The following UCP1 variants were observed in gnomAD, a reference collection of about 807,000 sequenced individuals.
The protein encoded by UCP1 is mitochondrial brown fat uncoupling protein 1.
In UCP1, 24 loss-of-function variants were observed where a neutral mutation model predicts 26.2. The observed-to-expected ratio is 0.92, with a 90% CI of 0.66 to 1.29. UCP1 has a LOEUF of 1.29. Ranked by LOEUF, UCP1 falls within the 50% of genes most tolerant of loss-of-function variation. The pLI, the probability that UCP1 is intolerant of heterozygous loss-of-function variation, is 0.00. For missense variants in UCP1, 402 were observed against 388.7 expected, an observed-to-expected ratio of 1.03 and a Z score of -0.29; for synonymous variants, 164 against 156.8, an observed-to-expected ratio of 1.05 and a Z score of -0.34.
chr4:140,562,256 T>G lies in UCP1; in HGVS notation c.746A>C (p.Lys249Thr), dbSNP rs1735692635. The G allele has an allele frequency of 1.9e-6, 3 of 1,614,136 alleles. No individual in the cohort carries two copies. In the East Asian group the frequency reaches 6.7e-5, roughly 36 times the overall value. The change falls in exon 5 of 6, where the codon AAA (lysine) becomes ACA (threonine). Residue 249 changes from lysine (K) to threonine (T), a missense_variant. Physicochemically the swap from Lys to Thr is moderately conservative, Grantham distance 78. Transcript: ENST00000262999. ...TTTCATTGCACAGTTGGGCACACTTTTGTACTGTCCTGGTGGAGAATTAAT... is the reference window on the plus strand; with the variant it reads ...TTTCATTGCACAGTTGGGCACACTTGTGTACTGTCCTGGTGGAGAATTAAT... ...RFINSPPGQY[K>T]SVPNCAMKVF...
intron 5 of UCP1, among the ~76,000 whole-genome samples, chr4:140,561,630 C>T (rs771091294): frequency 4.6e-5 from 7 of 152,314 alleles, no homozygotes; most frequent in South Asian, 4.1e-4. Context: ...CGAGCCACCA[C>T]GCCGAGCCCA....
Position 140,559,702 on chromosome 4 carries a change from T to G in UCP1, c.*194A>C. 2 of 590,938 alleles carry G rather than the reference T, an allele frequency of 3.4e-6. No individual in the cohort carries two copies. Among genetic ancestry groups the G allele is most frequent in the Non-Finnish European group, 2.9e-6 (1 of 339,034 alleles). The allele number at this position is 590,938 out of a possible 1,614,324, so 36.6% of individuals were successfully genotyped here. Reference sequence around the variant, plus strand: ...GCTGAATGTTTTGCTTTCCCCTTCTTAAGACACTGAGAAAAAAAAAAAGTT... The same window carrying G: ...GCTGAATGTTTTGCTTTCCCCTTCTGAAGACACTGAGAAAAAAAAAAAGTT... On this transcript the variant is annotated 3_prime_UTR_variant, in exon 6 of 6. Transcript: ENST00000262999.
intron 5 of UCP1, 72 bp from the exon 6 acceptor site, chr4:140,560,082 T>G: frequency 2.4e-6 from 3 of 1,252,224 alleles, no homozygotes; most frequent in Non-Finnish European, 3.4e-6. Context: ...AGATGAGGCT[T>G]CACCCTGCCG....
At chr4:140,560,146 G>A (rs1210954734) in intron 5 of UCP1, 136 bp from the exon 6 acceptor site, 3 of 719,168 alleles carry the variant, frequency 4.2e-6, no homozygotes, top group South Asian at 1.6e-5. Context: ...TCGAGCTCCT[G>A]GGCTTAAGTG....
At position 140,559,960 on chromosome 4, in the gene UCP1, A is replaced by G; in HGVS notation, c.860T>C (p.Val287Ala). 1 of 1,614,118 alleles carries G rather than the reference A, an allele frequency of 6.2e-7. No individual in the cohort carries two copies. The highest frequency in any genetic ancestry group is 8.5e-7 in the Non-Finnish European group (1 of 1,180,010). The change falls in exon 6 of 6, where the codon GTG becomes GCG. Residue 287 changes from valine (V) to alanine (A), a missense_variant. Coordinates refer to ENST00000262999, the MANE Select transcript of UCP1 (RefSeq NM_021833.5). ...TTCTCGTTTCAGTTGTTCAAAGCACACAAACATAATGACGTTCCAGGATCC... is the reference window on the plus strand; with the variant it reads ...TTCTCGTTTCAGTTGTTCAAAGCACGCAAACATAATGACGTTCCAGGATCC... ...RLGSWNVIMF[V>A]CFEQLKRELS...
At chr4:140,564,929 C>G (rs1335349731) in intron 2 of UCP1, among the ~76,000 whole-genome samples, 1 of 152,116 alleles carries the variant, frequency 6.6e-6, no homozygotes, top group South Asian at 2.1e-4. Flanking sequence ...CCATTTCTTC[C>G]TCAGTCCCCT....
rs1735832625 is a variant in UCP1, at chr4:140,567,822, G to A, written c.282C>T (p.Gly94=). ...RQISSASLRI[G]LYDTVQEFLT... is the part of the protein sequence containing the mutation. Reference sequence around the variant, plus strand: ...GGAACTCCTGGACCGTGTCGTAGAGGCCGATCCTGAGAGAGGCGGAGCTGA... The same window carrying A: ...GGAACTCCTGGACCGTGTCGTAGAGACCGATCCTGAGAGAGGCGGAGCTGA... Residue 94 remains glycine, a synonymous_variant, in exon 2 of 6, where the codon GGC becomes GGT. Transcript: ENST00000262999. 3 of 1,614,010 alleles carry A rather than the reference G, an allele frequency of 1.9e-6. No homozygotes were observed. The highest frequency in any genetic ancestry group is 1.7e-6 in the Non-Finnish European group (2 of 1,180,020).
At chr4:140,560,685 AT>A (rs994999786) in intron 5 of UCP1, among the ~76,000 whole-genome samples, 1 of 151,260 alleles carries the variant, frequency 6.6e-6, no homozygotes, top group African/African-American at 2.4e-5. Context: ...CTCTGCCCCA[AT>A]TTTTTTCCTT....
chr4:140,559,867 G>A lies in UCP1; in HGVS notation c.*29C>T, dbSNP rs768048578. Reference sequence around the variant, plus strand: ...TGATCCAGTCAGCAAGATTCCCACTGGTATGTTACATCATTTTCTTGAAGC... The same window carrying A: ...TGATCCAGTCAGCAAGATTCCCACTAGTATGTTACATCATTTTCTTGAAGC... On this transcript the variant is annotated 3_prime_UTR_variant, in exon 6 of 6. Transcript: ENST00000262999. The A allele has an allele frequency of 6.5e-6, 10 of 1,532,122 alleles. No homozygotes were observed. The South Asian group carries it at 1.1e-4, about 17-fold the overall frequency. 94.9% of individuals were successfully genotyped at this position (1,532,122 alleles called of 1,614,324 possible). A position where few individuals can be genotyped will look rare whatever the true frequency, so the allele number is the denominator to read the frequency against.
intron 5 of UCP1, among the ~76,000 whole-genome samples, chr4:140,560,554 A>G (rs1735654212): frequency 6.6e-6 from 1 of 152,172 alleles, no homozygotes; most frequent in South Asian, 2.1e-4. Context: ...GAAGAAGAGA[A>G]ACCAAAGAAG....
At chr4:140,566,116 C>G (rs1735789105) in intron 2 of UCP1, among the ~76,000 whole-genome samples, 1 of 152,138 alleles carries the variant, frequency 6.6e-6, no homozygotes, top group Admixed American at 6.5e-5. Context: ...TGTAAGTGCT[C>G]TCTGTGATGT....
At position 140,567,877 on chromosome 4, in the gene UCP1, C is replaced by A; in HGVS notation, c.227G>T (p.Ser76Ile). ...VKTEGRMKLY[S>I]GLPAGLQRQI... is the part of the protein sequence containing the mutation. ...CCGCTGAAGCCCCGCAGGCAGCCCGCTGTAGAGTTTCATCCGCCCTTCTGT... is the reference window on the plus strand; with the variant it reads ...CCGCTGAAGCCCCGCAGGCAGCCCGATGTAGAGTTTCATCCGCCCTTCTGT... The change falls in exon 2 of 6, where the codon AGC becomes ATC. Residue 76 changes from serine to isoleucine, a missense_variant. Transcript: ENST00000262999. The A allele has an allele frequency of 6.2e-7, 1 of 1,614,168 alleles. No homozygotes were observed. Among genetic ancestry groups the A allele is most frequent in the South Asian group, 1.1e-5 (1 of 91,080 alleles).
rs548023111 is a variant in UCP1, at chr4:140,566,960, C to G, written c.325+819G>C. On this transcript the variant is annotated intron_variant, in intron 2 of 5. Transcript: ENST00000262999. ...GGTTTGAACCCTGGCTCTGCCCCCTCCCAGCTGTGTGACCTTGGGCAAGTG... is the reference window on the plus strand; with the variant it reads ...GGTTTGAACCCTGGCTCTGCCCCCTGCCAGCTGTGTGACCTTGGGCAAGTG... Among the ~76,000 whole-genome samples the G allele has an allele frequency of 2.6e-5, 4 of 152,212 alleles. No individual in the cohort carries two copies. The South Asian group carries it at 8.3e-4, about 32-fold the overall frequency.
chr4:140,563,174 A>G lies in UCP1; in HGVS notation c.564T>C (p.Asn188=), dbSNP rs1383394734. The change falls in exon 4 of 6, where the codon AAT becomes AAC. Residue 188 remains asparagine (N), a synonymous_variant. Transcript: ENST00000262999. The part of the protein sequence containing the change: ...TPNLMRSVII[N]CTELVTYDLM... ...GATCATATGTTACTAGCTCTGTACA[A>G]TTGATGATGACACTTCTCATCAGAT... 1 of 1,613,858 alleles carries G rather than the reference A, an allele frequency of 6.2e-7. No homozygotes were observed. Among genetic ancestry groups the G allele is most frequent in the Admixed American group, 1.7e-5 (1 of 60,022 alleles).
At chr4:140,562,518 G>A (rs925410182) in intron 4 of UCP1, 145 bp from the exon 5 acceptor site, 13 of 894,002 alleles carry the variant, frequency 1.5e-5, no homozygotes, top group African/African-American at 3.4e-5. Flanking sequence ...GAAAGGTATT[G>A]CACTAGAAAA....
Position 140,568,928 on chromosome 4 carries a change from C to G in UCP1, c.-199G>C. ...TGTTGGGGGCCGAGTCCCCGCGTCC[C>G]CTCCTACCCACCCTCGCGCCAGCAG... On this transcript the variant is annotated 5_prime_UTR_variant, in exon 1 of 6. Coordinates refer to ENST00000262999, the MANE Select transcript of UCP1 (RefSeq NM_021833.5). 8 of 718,374 alleles carry G rather than the reference C, an allele frequency of 1.1e-5. No individual in the cohort carries two copies. The highest frequency in any genetic ancestry group is 1.8e-5 in the Non-Finnish European group (8 of 443,084). 44.5% of individuals were successfully genotyped at this position (718,374 alleles called of 1,614,324 possible). A position where few individuals can be genotyped will look rare whatever the true frequency, so the allele number is the denominator to read the frequency against.
chr4:140,560,361 C>A (rs1735649741), intron 5 of UCP1, among the ~76,000 whole-genome samples: 1 of 152,216 alleles, frequency 6.6e-6, no homozygotes, highest in African/African-American at 2.4e-5. Flanking sequence ...TACTTCAAAA[C>A]AACACAGCCC....
In UCP1 at chr4:140,559,638, A is replaced by G; in HGVS notation, c.*258T>C. On this transcript the variant is annotated 3_prime_UTR_variant, in exon 6 of 6. Coordinates refer to ENST00000262999, the MANE Select transcript of UCP1 (RefSeq NM_021833.5). ...ACAATTGCACTCCAGAAATGGTCAAATGCAGTAGCTTATCTGCATTACATT... is the reference window on the plus strand; with the variant it reads ...ACAATTGCACTCCAGAAATGGTCAAGTGCAGTAGCTTATCTGCATTACATT... 1 of 464,288 alleles carries G rather than the reference A, an allele frequency of 2.2e-6. No homozygotes were observed. The highest frequency in any genetic ancestry group is 3.8e-6 in the Non-Finnish European group (1 of 259,984). 28.8% of individuals were successfully genotyped at this position (464,288 alleles called of 1,614,324 possible). A position where few individuals can be genotyped will look rare whatever the true frequency, so the allele number is the denominator to read the frequency against.
Position 140,562,242 on chromosome 4 carries a change from A to G in UCP1, c.760T>C (p.Cys254Arg). 6.2e-7 allele frequency: 1 copy of G among 1,614,186 alleles called. No individual in the cohort carries two copies. The highest frequency in any genetic ancestry group is 8.5e-7 in the Non-Finnish European group (1 of 1,180,016). ...TCGTTAGTGAACACTTTCATTGCAC[A>G]GTTGGGCACACTTTTGTACTGTCCT... ...PPGQYKSVPN[C>R]AMKVFTNEGP... The change falls in exon 5 of 6, where the codon TGT becomes CGT. Residue 254 changes from cysteine (C) to arginine (R), a missense_variant. Cys to Arg is a radical substitution (Grantham distance 180). Coordinates refer to ENST00000262999, the MANE Select transcript of UCP1 (RefSeq NM_021833.5).
Sources: gnomAD v4.1 joint callset for allele counts (sites outside exome capture counted in the v4.1 genomes callset) on GRCh38, gnomAD v4.1.1 for gene constraint, MANE v1.5 for transcripts, NCBI Gene and HGNC (gene_info 2026-07-23, HGNC 2026-07-21) for gene names.